The following ECD variants were observed in gnomAD, a reference collection of about 807,000 sequenced individuals.
ECD encodes ecdysoneless cell cycle regulator, also known as protein ecdysoneless homolog.
A neutral mutation model predicts 77.2 loss-of-function variants in ECD; 59 were observed. The ratio of observed to expected loss-of-function variants is 0.76; its 90% CI spans 0.62 to 0.95. The LOEUF is 0.95. ECD is among the 40% of genes least tolerant of loss of function. The probability of loss-of-function intolerance (pLI) is 0.00; values close to 1 mark genes in which losing one functional copy is unlikely to be tolerated. For missense variants in ECD, 704 were observed against 763.4 expected, an observed-to-expected ratio of 0.92 and a Z score of 0.92; for synonymous variants, 233 against 267.4, an observed-to-expected ratio of 0.87 and a Z score of 1.26.
chr10:73,148,755 T>C (rs1328309831), intron 7 of ECD, among the ~76,000 whole-genome samples: 1 of 152,160 alleles, frequency 6.6e-6, no homozygotes, highest in Non-Finnish European at 1.5e-5. Context: ...CCAACAGAAA[T>C]TATACATATA....
At chr10:73,135,767 A>T (rs74865044) in intron 13 of ECD, among the ~76,000 whole-genome samples, 10,896 of 150,914 alleles carry the variant, frequency 0.072, 643 homozygotes, top group East Asian at 0.3. Flanking sequence ...AAATAATAAT[A>T]AAAAAAAGGA....
intron 9 of ECD, among the ~76,000 whole-genome samples, chr10:73,142,548 C>T (rs569066550): frequency 6.7e-6 from 1 of 149,388 alleles, no homozygotes; most frequent in Non-Finnish European, 1.5e-5. Context: ...GCAGGGGCAT[C>T]GCTTGAACCC....
At position 73,148,385 on chromosome 10, in the gene ECD, A is replaced by G. The variant is rs1381001036; in HGVS notation, c.932T>C (p.Leu311Ser). ...GMKLAHGFEI[L>S]CSKCSPHFSD... ...AAAATGTGGGCTACATTTGGAGCAT[A>G]AGATCTCAAATCCATGAGCCTAGAT... The change falls in exon 8 of 14, where the codon TTA becomes TCA. Residue 311 changes from leucine to serine, a missense_variant. Physicochemically the swap from Leu to Ser is moderately radical, Grantham distance 145. Transcript: ENST00000372979. The G allele has an allele frequency of 6.2e-7, 1 of 1,613,882 alleles. No homozygotes were observed. Among genetic ancestry groups the G allele is most frequent in the Non-Finnish European group, 8.5e-7 (1 of 1,179,828 alleles).
In ECD at chr10:73,146,352, C is replaced by CTAT; in HGVS notation, c.1048_1050dup (p.Ile350dup). The CTAT allele has an allele frequency of 6.3e-7, 1 of 1,594,648 alleles. No homozygotes were observed. The highest frequency in any genetic ancestry group is 1.1e-5 in the South Asian group (1 of 88,672). ...CTTTCCCGGTACTGAGCAGAACCTT[C>CTAT]TATCAGTCCCTTAAAAAAAAAAAAA... is the stretch of plus-strand genomic sequence containing the variant. On this transcript the variant is annotated inframe_insertion, in exon 9 of 14. Transcript: ENST00000372979.
At chr10:73,145,145 C>T (rs1395742868) in intron 9 of ECD, among the ~76,000 whole-genome samples, 1 of 152,064 alleles carries the variant, frequency 6.6e-6, no homozygotes, top group Non-Finnish European at 1.5e-5. Context: ...GGGTGGATCA[C>T]CTGAGGTCAG....
At chr10:73,145,949 T>C (rs1258584716) in intron 9 of ECD, among the ~76,000 whole-genome samples, 1 of 152,056 alleles carries the variant, frequency 6.6e-6, no homozygotes, top group Non-Finnish European at 1.5e-5. Context: ...GGCCATATTG[T>C]GCAGCTTTTA....
chr10:73,137,895 G>A lies in ECD; in HGVS notation c.1489+108C>T, dbSNP rs527646441. On this transcript the variant is annotated intron_variant, in intron 12 of 13. Coordinates refer to ENST00000372979, the MANE Select transcript of ECD (RefSeq NM_007265.3). Reference sequence around the variant, plus strand: ...GGTTGAAAGCAACTCAAACCAGGAAGAGAAAGCAAACATTTTGGCTTCTGA... The same window carrying A: ...GGTTGAAAGCAACTCAAACCAGGAAAAGAAAGCAAACATTTTGGCTTCTGA... 2.2e-5 allele frequency: 17 copies of A among 773,742 alleles called. No individual in the cohort carries two copies. In the South Asian group the frequency reaches 5.2e-4, roughly 24 times the overall value. 47.9% of individuals were successfully genotyped at this position (773,742 alleles called of 1,614,324 possible). A position where few individuals can be genotyped will look rare whatever the true frequency, so the allele number is the denominator to read the frequency against.
chr10:73,153,006 G>A (rs1843234900), intron 6 of ECD, among the ~76,000 whole-genome samples: 1 of 151,626 alleles, frequency 6.6e-6, no homozygotes, highest in Admixed American at 6.6e-5. Flanking sequence ...ATGGCTGGAA[G>A]ATAAAGATAA....
chr10:73,142,829 A>T (rs1325473571), intron 9 of ECD, among the ~76,000 whole-genome samples: 1 of 152,016 alleles, frequency 6.6e-6, no homozygotes, highest in Non-Finnish European at 1.5e-5. Flanking sequence ...CTTTTGCTGG[A>T]ATGTTATTCC....
chr10:73,145,074 AAATT>A (rs1387564930), intron 9 of ECD, among the ~76,000 whole-genome samples: 1 of 152,126 alleles, frequency 6.6e-6, no homozygotes, highest in Non-Finnish European at 1.5e-5. Context: ...TAAAAATAAA[AAATT>A]AATGGCTGGG....
At chr10:73,139,259 C>A in intron 11 of ECD, 50 bp downstream of exon 11, 2 of 1,466,954 alleles carry the variant, frequency 1.4e-6, no homozygotes, top group Admixed American at 2.3e-5. Flanking sequence ...ACTATGACTT[C>A]AACATTTGGG....
chr10:73,150,755 C>T (rs922157585), intron 7 of ECD, among the ~76,000 whole-genome samples: 4 of 152,142 alleles, frequency 2.6e-5, no homozygotes. Flanking sequence ...ATTTATGCAG[C>T]CAAAAGACAC....
chr10:73,149,394 TTAC>T (rs1843172434), intron 7 of ECD, among the ~76,000 whole-genome samples: 1 of 152,202 alleles, frequency 6.6e-6, no homozygotes, highest in South Asian at 2.1e-4. Flanking sequence ...GAAACCTTAC[TTAC>T]AATTTTTATC....
intron 7 of ECD, among the ~76,000 whole-genome samples, chr10:73,149,165 G>T (rs1021984259): frequency 6.6e-6 from 1 of 152,102 alleles, no homozygotes; most frequent in East Asian, 1.9e-4. Context: ...GTAGTTTCCA[G>T]TCTCCTGCTA....
chr10:73,137,253 C>T (rs968462293), intron 12 of ECD, among the ~76,000 whole-genome samples: 4 of 152,040 alleles, frequency 2.6e-5, no homozygotes, highest in Non-Finnish European at 5.9e-5. Context: ...TCAAGCCATA[C>T]AAGTATTGTC....
chr10:73,137,241 A>G (rs1021342649), intron 12 of ECD, among the ~76,000 whole-genome samples: 2 of 152,130 alleles, frequency 1.3e-5, no homozygotes, highest in South Asian at 4.1e-4. Flanking sequence ...TGATGTAAAC[A>G]TTCAAGCCAT....
chr10:73,148,376 T>G lies in ECD; in HGVS notation c.941A>C (p.Lys314Thr). ...GCAGTCAGAAAAATGTGGGCTACAT[T>G]TGGAGCATAAGATCTCAAATCCATG... ...LAHGFEILCS[K>T]CSPHFSDCKK... The change falls in exon 8 of 14, where the codon AAA (lysine) becomes ACA (threonine). Residue 314 changes from lysine to threonine, a missense_variant. Lys to Thr is a moderately conservative substitution (Grantham distance 78). Around this residue, in one of 3 missense-constraint regions of ECD, gnomAD observed 559 missense variants for 583.7 expected, o/e 0.96. Transcript: ENST00000372979. The G allele has an allele frequency of 1.2e-6, 2 of 1,613,904 alleles. No individual in the cohort carries two copies. The highest frequency in any genetic ancestry group is 1.7e-6 in the Non-Finnish European group (2 of 1,179,870).
At chr10:73,159,642 A>ATTTTTTT (rs1169258127) in intron 3 of ECD, among the ~76,000 whole-genome samples, 6,068 of 122,956 alleles carry the variant, frequency 0.049, 258 homozygotes, top group East Asian at 0.2. Flanking sequence ...CAGTACTTTA[A>ATTTTTTT]TTTTTTTTTT....
intron 9 of ECD, among the ~76,000 whole-genome samples, chr10:73,141,210 C>T (rs1165161942): frequency 4.7e-5 from 7 of 150,474 alleles, no homozygotes; most frequent in Non-Finnish European, 3.0e-5. Flanking sequence ...GCGACAAGAG[C>T]GAGACTCCGT....
Sources: gnomAD v4.1 joint callset for allele counts (sites outside exome capture counted in the v4.1 genomes callset) on GRCh38, gnomAD v4.1.1 for gene constraint, gnomAD v4.1.1 regional missense constraint, MANE v1.5 for transcripts, NCBI Gene and HGNC (gene_info 2026-07-23, HGNC 2026-07-21) for gene names.